Variants in NDUFS4 observed in about 807,000 individuals in gnomAD.
NDUFS4 encodes NADH:ubiquinone oxidoreductase subunit S4.
A neutral mutation model predicts 24.3 loss-of-function variants in NDUFS4; 28 were observed. The observed-to-expected ratio is 1.15, with a 90% confidence interval of 0.85 to 1.58. The LOEUF is 1.58. Among genes scored for constraint, NDUFS4 ranks in the 40% most tolerant of loss-of-function variants. The probability of loss-of-function intolerance (pLI) is 0.00; values close to 1 mark genes in which losing one functional copy is unlikely to be tolerated. For missense variants in NDUFS4, 223 were observed against 207.9 expected (o/e 1.07, Z -0.45); for synonymous variants, 93 against 69.7 (o/e 1.34, Z -1.67).
intron 2 of NDUFS4, 26 bp downstream of exon 2, chr5:53,603,556 T>A (rs201151224): frequency 1.3e-6 from 2 of 1,561,756 alleles, no homozygotes; most frequent in Non-Finnish European, 1.8e-6. Context: ...TACACACTGC[T>A]ATGGTTCTGC....
intron 2 of NDUFS4, among the ~76,000 whole-genome samples, chr5:53,612,787 G>T (rs917556919): frequency 1.2e-4 from 18 of 152,096 alleles, no homozygotes; most frequent in African/African-American, 4.1e-4. Flanking sequence ...TCTGTAAGCA[G>T]CAGCAAGTTA....
At chr5:53,596,827 A>G (rs911802317) in intron 1 of NDUFS4, among the ~76,000 whole-genome samples, 2 of 152,258 alleles carry the variant, frequency 1.3e-5, no homozygotes, top group East Asian at 1.9e-4. Flanking sequence ...GATTGACTCC[A>G]TAATGGTTTT....
intron 1 of NDUFS4, among the ~76,000 whole-genome samples, chr5:53,569,540 G>T (rs1377393508): frequency 6.6e-6 from 1 of 152,040 alleles, no homozygotes; most frequent in Non-Finnish European, 1.5e-5. Flanking sequence ...TTTATTTAAT[G>T]CAAGAATCCC....
At position 53,590,783 on chromosome 5, in the gene NDUFS4, A is replaced by G. The variant is rs1324224757; in HGVS notation, c.99-12669A>G. 1.3e-5 allele frequency among the ~76,000 whole-genome samples: 2 copies of G among 152,204 alleles called. 1 individual carries two copies. The highest frequency in any genetic ancestry group is 1.3e-4 in the Admixed American group (2 of 15,280). On this transcript the variant is annotated intron_variant, in intron 1 of 4. Coordinates refer to ENST00000296684, the MANE Select transcript of NDUFS4 (RefSeq NM_002495.4). ...TTTAAAATATTGTCGTGGTTTATAC[A>G]TACTATGAAATTTACCATTTTAACT...
intron 2 of NDUFS4, among the ~76,000 whole-genome samples, chr5:53,609,420 A>G (rs2112464697): frequency 6.6e-6 from 1 of 152,330 alleles, no homozygotes; most frequent in Middle Eastern, 3.4e-3. Flanking sequence ...GTAGATATTG[A>G]CACTGGGCAT....
chr5:53,661,902 A>G (rs1194104729), intron 4 of NDUFS4, among the ~76,000 whole-genome samples: 2 of 152,170 alleles, frequency 1.3e-5, no homozygotes, highest in Non-Finnish European at 2.9e-5. Context: ...TTGGGCTGAG[A>G]CGATGGGGTT....
intron 1 of NDUFS4, among the ~76,000 whole-genome samples, chr5:53,583,956 C>A (rs920001004): frequency 6.6e-6 from 1 of 152,152 alleles, no homozygotes; most frequent in Non-Finnish European, 1.5e-5. Context: ...ATGTTTAATT[C>A]CCTTTTCAAT....
intron 1 of NDUFS4, among the ~76,000 whole-genome samples, chr5:53,561,120 A>G (rs190950149): frequency 8.8e-4 from 134 of 152,144 alleles, no homozygotes; most frequent in Non-Finnish European, 1.5e-3. Context: ...CATCCCTTCC[A>G]TTTGTCACCT....
rs7711180 is a variant in NDUFS4, at chr5:53,567,666, G to T, written c.98+6906G>T. On this transcript the variant is annotated intron_variant, in intron 1 of 4. Coordinates refer to ENST00000296684, the MANE Select transcript of NDUFS4 (RefSeq NM_002495.4). ...TGTCTGCTATGCTTTCTGAGTTCTC[G>T]TGTCTGCTTTTTAATAGTGTTATAT... 4.6e-3 allele frequency among the ~76,000 whole-genome samples: 703 copies of T among 151,840 alleles called. 5 individuals are homozygous for T. The highest frequency in any genetic ancestry group is 0.016 in the African/African-American group (677 of 41,380).
At chr5:53,592,011 T>C (rs1749980281) in intron 1 of NDUFS4, among the ~76,000 whole-genome samples, 1 of 152,024 alleles carries the variant, frequency 6.6e-6, no homozygotes, top group Admixed American at 6.6e-5. Context: ...CAATCTTGGC[T>C]CACTGTAACC....
intron 1 of NDUFS4, among the ~76,000 whole-genome samples, chr5:53,603,208 G>C (rs1370037790): frequency 6.6e-6 from 1 of 152,174 alleles, no homozygotes; most frequent in East Asian, 1.9e-4. Context: ...TTCTGTGACA[G>C]AGAGCCTGAA....
rs1465955565 is a variant in NDUFS4, at chr5:53,683,211, C to T, written c.518C>T (p.Ser173Phe). 1 of 1,606,264 alleles carries T rather than the reference C, an allele frequency of 6.2e-7. No individual in the cohort carries two copies. The change falls in exon 5 of 5, where the codon TCC becomes TTC. Residue 173 changes from serine (S) to phenylalanine (F), a missense_variant. Ser to Phe is a radical substitution (Grantham distance 155). Transcript: ENST00000296684. ...TCTTGGAACAAAAGAACAAGAGTAT[C>T]CACAAAATAGGTTGGCACTGACTAT... ...NFSWNKRTRV[S>F]TK
chr5:53,634,014 A>G (rs1352948695), intron 2 of NDUFS4, among the ~76,000 whole-genome samples: 1 of 152,200 alleles, frequency 6.6e-6, no homozygotes, highest in African/African-American at 2.4e-5. Context: ...AAAAGAATAC[A>G]CGTGTACATT....
At chr5:53,658,761 A>G (rs954226629) in intron 4 of NDUFS4, 137 bp downstream of exon 4, 4 of 553,576 alleles carry the variant, frequency 7.2e-6, no homozygotes, top group Non-Finnish European at 1.3e-5. Flanking sequence ...TTCAGACTTT[A>G]ACTACATCAG....
intron 2 of NDUFS4, among the ~76,000 whole-genome samples, chr5:53,638,850 T>A (rs1473040913): frequency 2.0e-5 from 3 of 152,152 alleles, no homozygotes; most frequent in Non-Finnish European, 4.4e-5. Flanking sequence ...TTTCTAGTTT[T>A]GCATCAGTGT....
At chr5:53,664,155 T>G (rs1421090105) in intron 4 of NDUFS4, among the ~76,000 whole-genome samples, 2 of 152,250 alleles carry the variant, frequency 1.3e-5, no homozygotes, top group Non-Finnish European at 2.9e-5. Context: ...ATGTTGAATA[T>G]TGGCCCCCAC....
At chr5:53,610,665 T>A (rs1750666852) in intron 2 of NDUFS4, among the ~76,000 whole-genome samples, 1 of 152,148 alleles carries the variant, frequency 6.6e-6, no homozygotes, top group African/African-American at 2.4e-5. Context: ...TTTAACAGTA[T>A]AAAGGAATCT....
intron 4 of NDUFS4, among the ~76,000 whole-genome samples, chr5:53,675,222 CT>C (rs1740423931): frequency 7.9e-6 from 1 of 126,762 alleles, no homozygotes; most frequent in South Asian, 2.7e-4. Flanking sequence ...AGTGCAGTGG[CT>C]GCAATCTCAG....
chr5:53,611,814 T>G (rs1256517072), intron 2 of NDUFS4, among the ~76,000 whole-genome samples: 1 of 152,096 alleles, frequency 6.6e-6, no homozygotes, highest in African/African-American at 2.4e-5. Context: ...TCAGGACATT[T>G]GATGAATACG....
Sources: gnomAD v4.1 joint callset for allele counts (sites outside exome capture counted in the v4.1 genomes callset) on GRCh38, gnomAD v4.1.1 for gene constraint, MANE v1.5 for transcripts, NCBI Gene and HGNC (gene_info 2026-07-23, HGNC 2026-07-21) for gene names.